The following RAB40A variants were observed in gnomAD, a reference collection of about 807,000 sequenced individuals.
The protein encoded by RAB40A is ras-related protein Rab-40A.
For missense variants in RAB40A, 145 were observed against 230.2 expected (o/e 0.63, Z 2.40); for synonymous variants, 65 against 99.9 (o/e 0.65, Z 2.08).
intron 2 of RAB40A, among the ~76,000 whole-genome samples, chrX:103,506,192 T>C (rs1305929487): frequency 1.8e-5 from 2 of 111,683 alleles, no homozygotes; most frequent in Admixed American, 1.9e-4. Context: ...AATTTTATAG[T>C]GGTGAAGTCT....
chrX:103,495,482 T>C (rs1233237123), downstream of RAB40A, among the ~76,000 whole-genome samples: 1 of 111,448 alleles, frequency 9.0e-6, no homozygotes, highest in Non-Finnish European at 1.9e-5. Context: ...TTACCCATCC[T>C]GCTTGAATGC....
chrX:103,502,057 A>G (rs1378139349), intron 2 of RAB40A: 1 of 123,736 alleles, frequency 8.1e-6, no homozygotes, highest in Non-Finnish European at 1.9e-5. Flanking sequence ...AGATGTTTAC[A>G]AATGTAATGG....
chrX:103,506,419 T>TA (rs979972153), intron 2 of RAB40A, among the ~76,000 whole-genome samples: 10 of 111,833 alleles, frequency 8.9e-5, no homozygotes, highest in East Asian at 5.5e-4. Flanking sequence ...GACATGCTTT[T>TA]AAAAAAATAT....
At chrX:103,494,248 T>G (rs1162349497), downstream of RAB40A, among the ~76,000 whole-genome samples, 1 of 112,432 alleles carries the variant, frequency 8.9e-6, no homozygotes, top group African/African-American at 3.2e-5. Flanking sequence ...GAGAAATGTC[T>G]ATTCAAATCT....
At chrX:103,509,313 C>CTCTCTCTG (rs1344963402) in intron 2 of RAB40A, among the ~76,000 whole-genome samples, 1 of 99,372 alleles carries the variant, frequency 1.0e-5, no homozygotes, top group Non-Finnish European at 1.9e-5. Context: ...CTCTCTCTCT[C>CTCTCTCTG]TCTCTCTGTC....
Position 103,500,150 on chromosome X carries a change from A to G in RAB40A, c.607T>C (p.Cys203Arg). ...QDLCCRTIVS[C>R]TPVHLVDKLP... ...TTGTCCACCAGATGCACAGGTGTGC[A>G]GGACACGATGGTGCGGCAGCAGAGG... Residue 203 changes from cysteine to arginine, a missense_variant, in exon 3 of 3, where the codon TGC becomes CGC. By Grantham distance (180) the Cys-to-Arg change is radical. Coordinates refer to ENST00000304236, the MANE Select transcript of RAB40A (RefSeq NM_080879.3). 1 of 1,212,216 alleles carries G rather than the reference A, an allele frequency of 8.2e-7. No homozygotes were observed. Among genetic ancestry groups the G allele is most frequent in the Middle Eastern group, 2.3e-4 (1 of 4,354 alleles).
chrX:103,512,220 C>T (rs914025592), intron 2 of RAB40A, among the ~76,000 whole-genome samples: 5 of 111,734 alleles, frequency 4.5e-5, no homozygotes, highest in Non-Finnish European at 9.4e-5. Context: ...CTGTGAGAGA[C>T]TAAATTTCTG....
intron 2 of RAB40A, chrX:103,501,807 C>A (rs922084209): frequency 8.3e-6 from 1 of 121,124 alleles, no homozygotes; most frequent in Admixed American, 9.6e-5. Context: ...AGAAAAAAAC[C>A]GAAAAAGAAT....
At chrX:103,502,565 T>C (rs1469779713) in intron 2 of RAB40A, 1 of 234,590 alleles carries the variant, frequency 4.3e-6, no homozygotes, top group Non-Finnish European at 6.5e-6. Flanking sequence ...TCTCTTGGCA[T>C]AAAGTGCAGG....
chrX:103,503,572 TAAAA>T, intron 2 of RAB40A: 2 of 520,652 alleles, frequency 3.8e-6, no homozygotes, highest in Non-Finnish European at 4.6e-6. Flanking sequence ...TGTCCTCCTT[TAAAA>T]AAAAAAAAAA....
chrX:103,500,860 G>T, intron 2 of RAB40A, 34 bp from the exon 3 acceptor site: 1 of 1,113,744 alleles, frequency 9.0e-7, no homozygotes, highest in African/African-American at 1.8e-5. Flanking sequence ...CATAAAAAAT[G>T]AGATGGGGAA....
intron 2 of RAB40A, among the ~76,000 whole-genome samples, chrX:103,512,316 T>C (rs1312666623): frequency 9.0e-6 from 1 of 110,800 alleles, no homozygotes; most frequent in Non-Finnish European, 1.9e-5. Context: ...GCTGTTTTTT[T>C]TTTTTCTGTG....
In RAB40A at chrX:103,500,047, C is replaced by T. The variant is rs1221413109; in HGVS notation, c.710G>A (p.Arg237Gln). The T allele has an allele frequency of 1.7e-6, 2 of 1,210,450 alleles. No individual in the cohort carries two copies. The highest frequency in any genetic ancestry group is 1.8e-5 in the South Asian group (1 of 56,865). ...MAKGLNARMM[R>Q]GLSYSLTTSS... ...GGTGGTGAGGGAGTAGGAGAGGCCT[C>T]GCATCATCCTGGCATTCAGGCCCTT... The change falls in exon 3 of 3, where the codon CGA becomes CAA. Residue 237 changes from arginine (R) to glutamine (Q), a missense_variant. Arg to Gln is a conservative substitution (Grantham distance 43, BLOSUM62 1). Coordinates refer to ENST00000304236, the MANE Select transcript of RAB40A (RefSeq NM_080879.3).
chrX:103,511,452 G>A (rs1169555991), intron 2 of RAB40A, among the ~76,000 whole-genome samples: 9 of 108,523 alleles, frequency 8.3e-5, no homozygotes, highest in East Asian at 2.9e-4. Context: ...GCAGTGAGCC[G>A]AGATCATGCC....
intron 2 of RAB40A, among the ~76,000 whole-genome samples, chrX:103,509,423 T>TCCCTCCCCTCTCCTC (rs1457140109): frequency 2.1e-5 from 1 of 47,162 alleles, no homozygotes; most frequent in Non-Finnish European, 3.8e-5. Context: ...CCCCTTTCCT[T>TCCCTCCCCTCTCCTC]CCCTCCCCTC....
chrX:103,517,015 C>T (rs892647960), intron 2 of RAB40A, among the ~76,000 whole-genome samples: 6 of 111,344 alleles, frequency 5.4e-5, no homozygotes, highest in South Asian at 3.8e-4. Context: ...TCTTAAATGA[C>T]GTTATATGCC....
downstream of RAB40A, among the ~76,000 whole-genome samples, chrX:103,495,170 A>G (rs1000845895): frequency 8.9e-6 from 1 of 111,855 alleles, no homozygotes; most frequent in Non-Finnish European, 1.9e-5. Flanking sequence ...ATTTATGGCT[A>G]TTGTAAATGG....
intron 2 of RAB40A, among the ~76,000 whole-genome samples, chrX:103,504,648 A>G (rs920985903): frequency 1.8e-5 from 2 of 111,254 alleles, no homozygotes; most frequent in Non-Finnish European, 3.8e-5. Flanking sequence ...CAGCGTACTG[A>G]GTACCTGGGA....
intron 2 of RAB40A, among the ~76,000 whole-genome samples, chrX:103,505,267 G>T (rs1165940952): frequency 9.0e-6 from 1 of 111,586 alleles, no homozygotes; most frequent in Non-Finnish European, 1.9e-5. Context: ...ATGATATTTG[G>T]GTTATGCCCA....
Sources: gnomAD v4.1 joint callset for allele counts (sites outside exome capture counted in the v4.1 genomes callset) on GRCh38, gnomAD v4.1.1 for gene constraint, MANE v1.5 for transcripts, NCBI Gene and HGNC (gene_info 2026-07-23, HGNC 2026-07-21) for gene names.